Variants in CSMD1 observed in about 807,000 individuals in gnomAD.
The protein encoded by CSMD1 is CUB and Sushi multiple domains 1, also known as CUB and sushi domain-containing protein 1.
Under a neutral mutation model 417.5 loss-of-function variants are expected in CSMD1, and 213 were observed. That is an observed-to-expected ratio of 0.51 (90% CI 0.46 to 0.57). The LOEUF (loss-of-function observed/expected upper bound fraction) is 0.57, where lower values mean the gene tolerates loss of function less well. Ranked by LOEUF, CSMD1 falls within the 20% of genes least tolerant of loss-of-function variation. The probability of loss-of-function intolerance (pLI) is 0.00; values close to 1 mark genes in which losing one functional copy is unlikely to be tolerated. For missense variants in CSMD1, 6,923 were observed against 4,529.7 expected (o/e 1.53, Z -15.17); for synonymous variants, 2,862 against 1,736.8 (o/e 1.65, Z -16.11).
At position 3,934,055 on chromosome 8, in the gene CSMD1, G is replaced by C. The variant is rs141504729; in HGVS notation, c.818+63848C>G. Among the ~76,000 whole-genome samples the C allele has an allele frequency of 6.8e-4, 103 of 152,218 alleles. No individual in the cohort carries two copies. The South Asian group carries it at 7.3e-3, about 11-fold the overall frequency. On this transcript the variant is annotated intron_variant, in intron 5 of 69. Coordinates refer to ENST00000635120, the MANE Select transcript of CSMD1 (RefSeq NM_033225.6). Reference sequence around the variant, plus strand: ...AGGAAGCCACTCTGCTCTACACTGAGTATCAGTGACACCATGGCCACTATT... The same window carrying C: ...AGGAAGCCACTCTGCTCTACACTGACTATCAGTGACACCATGGCCACTATT...
intron 1 of CSMD1, among the ~76,000 whole-genome samples, chr8:4,868,384 A>C (rs1162385793): frequency 6.6e-6 from 1 of 151,928 alleles, no homozygotes; most frequent in Non-Finnish European, 1.5e-5. Context: ...ACAGGTGCAC[A>C]CCACTACACC....
intron 2 of CSMD1, among the ~76,000 whole-genome samples, chr8:4,578,559 G>C (rs1325404739): frequency 6.6e-6 from 1 of 151,390 alleles, no homozygotes; most frequent in Non-Finnish European, 1.5e-5. Context: ...CTTCATGCCT[G>C]TAATCTCGGC....
At chr8:4,262,955 C>T (rs1803987874) in intron 3 of CSMD1, among the ~76,000 whole-genome samples, 2 of 152,164 alleles carry the variant, frequency 1.3e-5, no homozygotes, top group Non-Finnish European at 2.9e-5. Flanking sequence ...GCCAAGGAAA[C>T]TGAGTCTCCA....
chr8:4,400,567 G>C (rs1281115368), intron 3 of CSMD1, among the ~76,000 whole-genome samples: 1 of 152,184 alleles, frequency 6.6e-6, no homozygotes, highest in Non-Finnish European at 1.5e-5. Context: ...AGCCACATCA[G>C]CCATTACTTT....
intron 29 of CSMD1, among the ~76,000 whole-genome samples, chr8:3,218,902 A>G (rs1464547940): frequency 2.0e-5 from 3 of 152,168 alleles, no homozygotes; most frequent in Non-Finnish European, 4.4e-5. Flanking sequence ...AGTTATTTTC[A>G]TGTACTTACA....
At chr8:3,531,690 G>C (rs1484711353) in intron 10 of CSMD1, among the ~76,000 whole-genome samples, 4 of 152,164 alleles carry the variant, frequency 2.6e-5, no homozygotes, top group African/African-American at 9.7e-5. Context: ...AGGGCAAAGA[G>C]TCCTCAGCAG....
rs537943163 is a variant in CSMD1 at position 4,040,515 on chromosome 8, T to G, written c.416-8416A>C. ...ACAAAAACTCTTTCATATGAAAATG[T>G]GGCTAACATCAGAAGAGGTGATGAT... On this transcript the variant is annotated intron_variant, in intron 3 of 69. Coordinates refer to ENST00000635120, the MANE Select transcript of CSMD1 (RefSeq NM_033225.6). 2.0e-5 allele frequency among the ~76,000 whole-genome samples: 3 copies of G among 152,274 alleles called. No individual in the cohort carries two copies. The South Asian group carries it at 6.2e-4, about 32-fold the overall frequency.
At chr8:4,024,047 G>A (rs1002832171) in intron 4 of CSMD1, among the ~76,000 whole-genome samples, 5 of 151,932 alleles carry the variant, frequency 3.3e-5, no homozygotes, top group African/African-American at 4.8e-5. Context: ...GAACATAGAG[G>A]CCAAAACAGG....
chr8:3,234,771 G>T (rs1222197378), intron 26 of CSMD1, among the ~76,000 whole-genome samples: 1 of 152,192 alleles, frequency 6.6e-6, no homozygotes, highest in East Asian at 1.9e-4. Context: ...ACTAATCATA[G>T]AATACAATCA....
chr8:4,398,541 C>T (rs896039713), intron 3 of CSMD1, among the ~76,000 whole-genome samples: 4 of 151,748 alleles, frequency 2.6e-5, no homozygotes, highest in Admixed American at 6.6e-5. Flanking sequence ...CTACAGGCGC[C>T]CGCCACCATG....
At chr8:3,882,569 T>G (rs1279656635) in intron 5 of CSMD1, among the ~76,000 whole-genome samples, 3 of 152,192 alleles carry the variant, frequency 2.0e-5, no homozygotes, top group Non-Finnish European at 2.9e-5. Flanking sequence ...TACCCAATAT[T>G]CACCCAAGGC....
At chr8:3,844,149 G>C (rs1187927621) in intron 5 of CSMD1, among the ~76,000 whole-genome samples, 3 of 152,068 alleles carry the variant, frequency 2.0e-5, no homozygotes, top group African/African-American at 2.4e-5. Flanking sequence ...ATTTTAAAAA[G>C]ACAATATTGG....
At chr8:3,666,822 G>A (rs1236297841) in intron 7 of CSMD1, among the ~76,000 whole-genome samples, 2 of 152,122 alleles carry the variant, frequency 1.3e-5, no homozygotes, top group Non-Finnish European at 2.9e-5. Context: ...GTGGAACTGT[G>A]AGTCCATTAA....
At chr8:4,118,653 ATTAG>A (rs1240799761) in intron 3 of CSMD1, among the ~76,000 whole-genome samples, 2 of 152,220 alleles carry the variant, frequency 1.3e-5, no homozygotes, top group African/African-American at 4.8e-5. Flanking sequence ...GGGTGTGTAA[ATTAG>A]TTCAACCATT....
Position 4,114,858 on chromosome 8 carries a change from A to G in CSMD1, c.416-82759T>C, listed in dbSNP as rs1012707343. ...CTGAAGACGTGACTGAATTGCTGCA[A>G]TCTCATGATAAAACTTAACAGATGA... On this transcript the variant is annotated intron_variant, in intron 3 of 69. Transcript: ENST00000635120. Among the ~76,000 whole-genome samples, 4 of 152,216 alleles carry G rather than the reference A, an allele frequency of 2.6e-5. No individual in the cohort carries two copies. In the East Asian group the frequency reaches 7.7e-4, roughly 29 times the overall value.
In CSMD1 at chr8:4,358,800, T is replaced by G. The variant is rs144377558; in HGVS notation, c.415+61153A>C. Reference sequence around the variant, plus strand: ...AAAGCTTTGTCAGCCAAGGCAAGGGTAAACAAGTTATAAATCACGTAAGAG... The same window carrying G: ...AAAGCTTTGTCAGCCAAGGCAAGGGGAAACAAGTTATAAATCACGTAAGAG... On this transcript the variant is annotated intron_variant, in intron 3 of 69. Coordinates refer to ENST00000635120, the MANE Select transcript of CSMD1 (RefSeq NM_033225.6). Among the ~76,000 whole-genome samples the G allele has an allele frequency of 4.0e-3, 605 of 152,248 alleles. 5 individuals carry two copies. The highest frequency in any genetic ancestry group is 0.013 in the African/African-American group (553 of 41,544).
At chr8:3,970,830 C>A (rs556160970) in intron 5 of CSMD1, among the ~76,000 whole-genome samples, 1 of 152,270 alleles carries the variant, frequency 6.6e-6, no homozygotes, top group African/African-American at 2.4e-5. Context: ...TGTCTCACTG[C>A]AACCTCCGCC....
chr8:3,688,339 G>C (rs925876685), intron 7 of CSMD1, among the ~76,000 whole-genome samples: 1 of 152,174 alleles, frequency 6.6e-6, no homozygotes, highest in African/African-American at 2.4e-5. Context: ...ACAAATGCCA[G>C]TAGAAAGTTT....
At chr8:3,796,656 C>A (rs183805306) in intron 5 of CSMD1, among the ~76,000 whole-genome samples, 7 of 148,596 alleles carry the variant, frequency 4.7e-5, no homozygotes, top group Admixed American at 2.7e-4. Context: ...AGATATATAT[C>A]CACCTATATA....
Sources: allele counts gnomAD v4.1 joint callset (sites outside exome capture counted in the v4.1 genomes callset), GRCh38; gene constraint gnomAD v4.1.1; transcripts MANE v1.5; gene names NCBI Gene and HGNC (gene_info 2026-07-23, HGNC 2026-07-21).